The following NEO1 variants were observed in gnomAD, a reference collection of about 807,000 sequenced individuals.
NEO1 encodes neogenin.
In NEO1, 63 loss-of-function variants were observed where a neutral mutation model predicts 159.7. The observed-to-expected ratio is 0.39, with a 90% CI of 0.32 to 0.49. NEO1 has a LOEUF of 0.49. Ranked by LOEUF, NEO1 falls within the 20% of genes least tolerant of loss-of-function variation. The pLI is 0.85. For missense variants in NEO1, 1,615 were observed against 1,831.0 expected (o/e 0.88, Z 2.15); for synonymous variants, 633 against 662.0 (o/e 0.96, Z 0.67).
At position 73,288,516 on chromosome 15, in the gene NEO1, A is replaced by G; in HGVS notation, c.3614A>G (p.Asp1205Gly). 6.2e-7 allele frequency: 1 copy of G among 1,614,202 alleles called. No individual in the cohort carries two copies. The highest frequency in any genetic ancestry group is 8.5e-7 in the Non-Finnish European group (1 of 1,180,022). ...QDITPVDNSM[D>G]SNIHQRRNSY... ...ATCACACCAGTTGACAACTCCATGGACAGCAATATCCATCAAAGGCGAAAT... is the reference window on the plus strand; with the variant it reads ...ATCACACCAGTTGACAACTCCATGGGCAGCAATATCCATCAAAGGCGAAAT... Residue 1205 changes from aspartate (D) to glycine (G), a missense_variant, in exon 24 of 29, where the codon GAC (aspartate) becomes GGC (glycine). Transcript: ENST00000261908.
At chr15:73,172,160 A>T (rs1279899124) in intron 5 of NEO1, among the ~76,000 whole-genome samples, 1 of 152,194 alleles carries the variant, frequency 6.6e-6, no homozygotes, top group Non-Finnish European at 1.5e-5. Context: ...GAATCAACGT[A>T]ATAGGTACAT....
intron 9 of NEO1, among the ~76,000 whole-genome samples, chr15:73,245,754 TG>T (rs1340244171): frequency 6.6e-6 from 1 of 151,480 alleles, no homozygotes; most frequent in Non-Finnish European, 1.5e-5. Flanking sequence ...TTTTTTTTTT[TG>T]TATTTTTAGT....
At chr15:73,171,626 A>G (rs1226670506) in intron 5 of NEO1, among the ~76,000 whole-genome samples, 2 of 145,890 alleles carry the variant, frequency 1.4e-5, no homozygotes, top group Non-Finnish European at 3.0e-5. Context: ...TATTATTATT[A>G]TTATTATTAT....
At chr15:73,152,351 A>G (rs533297067) in intron 5 of NEO1, among the ~76,000 whole-genome samples, 2 of 152,316 alleles carry the variant, frequency 1.3e-5, no homozygotes, top group Admixed American at 1.3e-4. Flanking sequence ...GGAGGAAAGA[A>G]TACTGACATC....
intron 1 of NEO1, among the ~76,000 whole-genome samples, chr15:73,056,324 G>A (rs1004635915): frequency 6.6e-6 from 1 of 152,174 alleles, no homozygotes; most frequent in African/African-American, 2.4e-5. Flanking sequence ...TCTAGTCAAT[G>A]AATTTTTCTC....
intron 11 of NEO1, among the ~76,000 whole-genome samples, chr15:73,250,153 A>G (rs1225577864): frequency 6.6e-6 from 1 of 151,956 alleles, no homozygotes; most frequent in African/African-American, 2.4e-5. Flanking sequence ...CTCACCTGTG[A>G]CTGAATTTCT....
intron 26 of NEO1, among the ~76,000 whole-genome samples, chr15:73,297,116 G>A (rs766703720): frequency 2.0e-5 from 3 of 152,156 alleles, no homozygotes; most frequent in Non-Finnish European, 2.9e-5. Flanking sequence ...TCATGCTGTT[G>A]GAAGGGTCTT....
intron 1 of NEO1, among the ~76,000 whole-genome samples, chr15:73,055,270 G>C (rs755956105): frequency 1.3e-5 from 2 of 152,206 alleles, no homozygotes; most frequent in Non-Finnish European, 2.9e-5. Context: ...CGAGGACTCT[G>C]TAGCTTCTGC....
intron 4 of NEO1, among the ~76,000 whole-genome samples, chr15:73,132,224 A>G (rs2031225218): frequency 1.3e-5 from 2 of 152,208 alleles, no homozygotes; most frequent in Non-Finnish European, 2.9e-5. Flanking sequence ...TTCTTTATCC[A>G]ACTTTTTAAG....
chr15:73,245,839 G>T (rs1270583867), intron 9 of NEO1, among the ~76,000 whole-genome samples: 2 of 151,250 alleles, frequency 1.3e-5, no homozygotes, highest in Non-Finnish European at 2.9e-5. Flanking sequence ...CCTCGGCCTC[G>T]CAAAGTGCTG....
intron 1 of NEO1, among the ~76,000 whole-genome samples, chr15:73,110,759 C>G (rs1567214904): frequency 1.3e-5 from 2 of 152,154 alleles, no homozygotes; most frequent in Non-Finnish European, 2.9e-5. Flanking sequence ...TCCAGTGACT[C>G]TGGCCATACT....
chr15:73,248,292 C>T (rs2039902404), intron 9 of NEO1, among the ~76,000 whole-genome samples: 1 of 152,144 alleles, frequency 6.6e-6, no homozygotes, highest in African/African-American at 2.4e-5. Context: ...TCATATCATG[C>T]TCCTGCTCAT....
At chr15:73,058,990 T>C (rs1282826015) in intron 1 of NEO1, among the ~76,000 whole-genome samples, 1 of 152,190 alleles carries the variant, frequency 6.6e-6, no homozygotes, top group Non-Finnish European at 1.5e-5. Context: ...TAGGATATGA[T>C]TGGAAAATCG....
rs140066602 is a variant in NEO1, at chr15:73,138,673, G to T, written c.1015+2646G>T. Among the ~76,000 whole-genome samples, 1,312 of 151,406 alleles carry T rather than the reference G, an allele frequency of 8.7e-3. 21 individuals carry two copies. Among genetic ancestry groups the T allele is most frequent in the African/African-American group, 0.03 (1,238 of 41,244 alleles). ...TGGGAGGCTAAGGCAGGAGAATGGC[G>T]TGAACCTGGGAAGCCGAGCTTGCAG... On this transcript the variant is annotated intron_variant, in intron 5 of 28. Coordinates refer to ENST00000261908, the MANE Select transcript of NEO1 (RefSeq NM_002499.4).
chr15:73,183,652 A>G (rs368830041), intron 7 of NEO1, among the ~76,000 whole-genome samples: 1 of 152,190 alleles, frequency 6.6e-6, no homozygotes, highest in South Asian at 2.1e-4. Context: ...GGAGAATCCT[A>G]GCTGCCTCAA....
At chr15:73,277,734 G>A (rs2041483378) in intron 21 of NEO1, among the ~76,000 whole-genome samples, 1 of 152,204 alleles carries the variant, frequency 6.6e-6, no homozygotes, top group Admixed American at 6.5e-5. Context: ...GAAGAGTATA[G>A]TTCTTTAATG....
At chr15:73,174,612 ACT>A (rs2035175177) in intron 5 of NEO1, among the ~76,000 whole-genome samples, 1 of 151,894 alleles carries the variant, frequency 6.6e-6, no homozygotes, top group Admixed American at 6.6e-5. Flanking sequence ...TAAGCCCATC[ACT>A]CTGCTTTGCT....
chr15:73,274,643 C>G (rs2041321585), intron 20 of NEO1, 49 bp from the exon 21 acceptor site: 4 of 1,600,098 alleles, frequency 2.5e-6, no homozygotes, highest in Admixed American at 3.4e-5. Flanking sequence ...ATCTTCAAAG[C>G]TTGTGATCCT....
At chr15:73,198,720 A>G (rs1300416615) in intron 7 of NEO1, among the ~76,000 whole-genome samples, 1 of 151,894 alleles carries the variant, frequency 6.6e-6, no homozygotes, top group East Asian at 1.9e-4. Context: ...TGCTGCTCTT[A>G]AGTGTTGTAT....
Sources: allele counts gnomAD v4.1 joint callset (sites outside exome capture counted in the v4.1 genomes callset), GRCh38; gene constraint gnomAD v4.1.1; transcripts MANE v1.5; gene names NCBI Gene and HGNC (gene_info 2026-07-23, HGNC 2026-07-21).